PLIN4: variants seen among roughly 807,000 people sequenced by gnomAD.
The protein encoded by PLIN4 is perilipin-4.
In PLIN4, 57 loss-of-function variants were observed where a neutral mutation model predicts 52.4. That is an observed-to-expected ratio of 1.09 (90% CI 0.88 to 1.36). The LOEUF (loss-of-function observed/expected upper bound fraction) is 1.36, where lower values mean the gene tolerates loss of function less well. Among genes scored for constraint, PLIN4 ranks in the 40% most tolerant of loss-of-function variants. The probability of loss-of-function intolerance (pLI) is 0.00; values close to 1 mark genes in which losing one functional copy is unlikely to be tolerated. For synonymous variants in PLIN4, 826 were observed against 785.4 expected, an observed-to-expected ratio of 1.05 and a Z score of -0.86; for missense variants, 1,757 against 1,770.3, an observed-to-expected ratio of 0.99 and a Z score of 0.13.
rs761764444 is a variant in PLIN4 at position 4,510,702 on chromosome 19, C to T, written c.3258G>A (p.Glu1086=). The T allele has an allele frequency of 3.3e-6, 5 of 1,526,200 alleles. No homozygotes were observed. The highest frequency in any genetic ancestry group is 4.4e-6 in the Non-Finnish European group (5 of 1,139,846). 94.5% of individuals were successfully genotyped at this position (1,526,200 alleles called of 1,614,324 possible). The change falls in exon 5 of 8, where the codon GAG becomes GAA. Residue 1086 remains glutamate (E), a synonymous_variant. Coordinates refer to ENST00000301286, the MANE Select transcript of PLIN4 (RefSeq NM_001367868.2). ...GCGTGGAGATGCCAGAGAACGGGGC[C>T]TCTTGGGGGCTCAGGGCAGTCTGCT... ...GGEQTALSPQ[E]APFSGISTPP... is the part of the protein sequence containing the mutation.
At position 4,516,684 on chromosome 19, in the gene PLIN4, G is replaced by T. The variant is rs1232034632; in HGVS notation, c.197-6C>A. 6.3e-7 allele frequency: 1 copy of T among 1,591,600 alleles called. No homozygotes were observed. The highest frequency in any genetic ancestry group is 1.3e-5 in the African/African-American group (1 of 74,278). On this transcript the variant is annotated splice_region_variant and splice_polypyrimidine_tract_variant and intron_variant, in intron 3 of 7. Transcript: ENST00000301286. ...CTGCTCTGGGTGGGCAGCCACTGTG[G>T]GGACAGGGGCCGGTCAGGGAGAGTG...
Position 4,511,026 on chromosome 19 carries a change from G to T in PLIN4, c.2934C>A (p.Thr978=). 6.2e-7 allele frequency: 1 copy of T among 1,613,118 alleles called. No homozygotes were observed. The change falls in exon 5 of 8, where the codon ACC becomes ACA. Residue 978 remains threonine, a synonymous_variant. Transcript: ENST00000301286. ...VTGAVNVAKG[T]VQTGVDASKA... Reference sequence around the variant, plus strand: ...TGGAGGCGTCCACGCCGGTCTGCACGGTTCCTTTGGCCACATTCACTGCCC... The same window carrying T: ...TGGAGGCGTCCACGCCGGTCTGCACTGTTCCTTTGGCCACATTCACTGCCC...
rs1475776061 is a variant in PLIN4 at position 4,504,271 on chromosome 19, A to G, written c.*188T>C. 9.0e-6 allele frequency: 5 copies of G among 552,790 alleles called. No individual in the cohort carries two copies. Among genetic ancestry groups the G allele is most frequent in the South Asian group, 3.4e-5 (1 of 29,822 alleles). 34.2% of individuals were successfully genotyped at this position (552,790 alleles called of 1,614,324 possible). On this transcript the variant is annotated 3_prime_UTR_variant, in exon 8 of 8. Coordinates refer to ENST00000301286, the MANE Select transcript of PLIN4 (RefSeq NM_001367868.2). ...TGGGAGATGCAGGCAGGCCCGGAGCAGGGCGTGGGGTGGCTCAGTTAAGAA... is the reference window on the plus strand; with the variant it reads ...TGGGAGATGCAGGCAGGCCCGGAGCGGGGCGTGGGGTGGCTCAGTTAAGAA...
At position 4,507,164 on chromosome 19, in the gene PLIN4, G is replaced by A. The variant is rs77627707; in HGVS notation, c.3702+1604C>T. Reference sequence around the variant, plus strand: ...CAAACTGCGGCTTGTCACAAACCCCGGATGTTGATGGAAAACACAGTGGCC... The same window carrying A: ...CAAACTGCGGCTTGTCACAAACCCCAGATGTTGATGGAAAACACAGTGGCC... On this transcript the variant is annotated intron_variant, in intron 6 of 7. Transcript: ENST00000301286. Among the ~76,000 whole-genome samples the A allele has an allele frequency of 8.1e-4, 124 of 152,346 alleles. 7 individuals carry two copies. The East Asian group carries it at 0.023, about 28-fold the overall frequency.
chr19:4,514,744 G>GATA (rs916476281), intron 4 of PLIN4, among the ~76,000 whole-genome samples: 7 of 150,474 alleles, frequency 4.7e-5, no homozygotes, highest in South Asian at 4.2e-4. Flanking sequence ...TAATGATAAT[G>GATA]ATAATAATAA....
rs150690071 is a variant in PLIN4, at chr19:4,503,839, C to G, written c.*620G>C. The G allele has an allele frequency of 2.6e-5, 4 of 152,358 alleles. No individual in the cohort carries two copies. The highest frequency in any genetic ancestry group is 5.9e-5 in the Non-Finnish European group (4 of 68,062). The allele number at this position is 152,358 out of a possible 1,614,324, so 9.4% of individuals were successfully genotyped here. A position where few individuals can be genotyped will look rare whatever the true frequency, so the allele number is the denominator to read the frequency against. Reference sequence around the variant, plus strand: ...AGCTTTGTCCCCACCGTGAGGCCACCCCGGGGGTCAGCAAAGGCAGTAGCA... The same window carrying G: ...AGCTTTGTCCCCACCGTGAGGCCACGCCGGGGGTCAGCAAAGGCAGTAGCA... On this transcript the variant is annotated 3_prime_UTR_variant, in exon 8 of 8. Coordinates refer to ENST00000301286, the MANE Select transcript of PLIN4 (RefSeq NM_001367868.2).
Position 4,511,047 on chromosome 19 carries a change from T to C in PLIN4, c.2913A>G (p.Ala971=), listed in dbSNP as rs1027042770. The C allele has an allele frequency of 1.5e-5, 24 of 1,613,090 alleles. No homozygotes were observed. Among genetic ancestry groups the C allele is most frequent in the Non-Finnish European group, 1.9e-5 (22 of 1,179,814 alleles). ...GCACGGTTCCTTTGGCCACATTCAC[T>C]GCCCCCGTGACTCCAGTAGTCACTG... ...KDAVTTGVTG[A]VNVAKGTVQT... The change falls in exon 5 of 8, where the codon GCA becomes GCG. Residue 971 remains alanine, a synonymous_variant. Transcript: ENST00000301286.
In PLIN4 at chr19:4,510,516, G is replaced by A; in HGVS notation, c.3444C>T (p.Arg1148=). The A allele has an allele frequency of 6.7e-7, 1 of 1,483,114 alleles. No homozygotes were observed. Among genetic ancestry groups the A allele is most frequent in the Non-Finnish European group, 9.0e-7 (1 of 1,116,400 alleles). 91.9% of individuals were successfully genotyped at this position (1,483,114 alleles called of 1,614,324 possible). Reference sequence around the variant, plus strand: ...CCAACTCATTCTGCAGCATTGCCAAGCGTGGGGCTTCTTCGGGGCCGTGTG... The same window carrying A: ...CCAACTCATTCTGCAGCATTGCCAAACGTGGGGCTTCTTCGGGGCCGTGTG... ...ATTHGPEEAP[R]LAMLQNELEG... The change falls in exon 5 of 8, where the codon CGC becomes CGT. Residue 1148 remains arginine (R), a synonymous_variant. Transcript: ENST00000301286.
chr19:4,517,730 C>T, intron 2 of PLIN4, 32 bp from the exon 3 acceptor site: 2 of 1,556,990 alleles, frequency 1.3e-6, no homozygotes, highest in South Asian at 1.2e-5. Flanking sequence ...GCAGGATGAG[C>T]AGGCCAAGCC....
chr19:4,512,133 C>T lies in PLIN4; in HGVS notation c.1827G>A (p.Val609=), dbSNP rs752691936. 6.2e-7 allele frequency: 1 copy of T among 1,608,410 alleles called. No homozygotes were observed. The highest frequency in any genetic ancestry group is 8.5e-7 in the Non-Finnish European group (1 of 1,178,942). The change falls in exon 5 of 8, where the codon GTG becomes GTA. Residue 609 remains valine (V), a synonymous_variant. Transcript: ENST00000301286. ...TCTGGACGGTCCCTTTGGCGACATTCACTGCCCCCACGAGCCCAGTAGTCA... is the reference window on the plus strand; with the variant it reads ...TCTGGACGGTCCCTTTGGCGACATTTACTGCCCCCACGAGCCCAGTAGTCA... The part of the protein sequence containing the change: ...DTVTTGLVGA[V]NVAKGTVQTG...
Position 4,512,235 on chromosome 19 carries a change from T to G in PLIN4, c.1725A>C (p.Ala575=), listed in dbSNP as rs571949046. ...KDTMSTGLTG[A]ANVAKGAVQT... is the part of the protein sequence containing the mutation. ...GGACAGCCCCCTTGGCCACATTCGCTGCCCCCGTGAGCCCAGTGGACATCG... is the reference window on the plus strand; with the variant it reads ...GGACAGCCCCCTTGGCCACATTCGCGGCCCCCGTGAGCCCAGTGGACATCG... Residue 575 remains alanine, a synonymous_variant, in exon 5 of 8, where the codon GCA becomes GCC. Coordinates refer to ENST00000301286, the MANE Select transcript of PLIN4 (RefSeq NM_001367868.2). 10 of 1,607,282 alleles carry G rather than the reference T, an allele frequency of 6.2e-6. No individual in the cohort carries two copies. The South Asian group carries it at 1.1e-4, about 18-fold the overall frequency.
chr19:4,513,423 T>C lies in PLIN4; in HGVS notation c.537A>G (p.Ala179=), dbSNP rs766820346. 6.2e-7 allele frequency: 1 copy of C among 1,613,490 alleles called. No individual in the cohort carries two copies. Among genetic ancestry groups the C allele is most frequent in the Admixed American group, 1.7e-5 (1 of 60,026 alleles). Residue 179 remains alanine, a synonymous_variant, in exon 5 of 8, where the codon GCA becomes GCG. Coordinates refer to ENST00000301286, the MANE Select transcript of PLIN4 (RefSeq NM_001367868.2). ...KDTVSTGLTG[A]VNVAKGTVQA... The stretch of plus-strand genomic sequence containing the variant: ...GTACGGTCCCTTTGGCCACATTCAC[T>C]GCCCCCGTGAGCCCAGTGGACACCG...
rs922640094 is a variant in PLIN4 at position 4,502,385 on chromosome 19, A to C, written c.*2074T>G. On this transcript the variant is annotated 3_prime_UTR_variant, in exon 8 of 8. Coordinates refer to ENST00000301286, the MANE Select transcript of PLIN4 (RefSeq NM_001367868.2). The stretch of plus-strand genomic sequence containing the variant: ...CCAACCCTGAAAGGCCAGTGGCAGG[A>C]GAGCTGGGCGGGAGCAAGCTCTTCC... 2.8e-6 allele frequency: 1 copy of C among 353,984 alleles called. No homozygotes were observed. The highest frequency in any genetic ancestry group is 2.2e-5 in the African/African-American group (1 of 45,842). The allele number at this position is 353,984 out of a possible 1,614,324, so 21.9% of individuals were successfully genotyped here. A position where few individuals can be genotyped will look rare whatever the true frequency, so the allele number is the denominator to read the frequency against.
At chr19:4,516,929 G>C (rs568148909) in intron 3 of PLIN4, among the ~76,000 whole-genome samples, 39 of 152,334 alleles carry the variant, frequency 2.6e-4, no homozygotes, top group African/African-American at 9.1e-4. Context: ...CCTCTGCTGG[G>C]TGGACACCCA....
intron 6 of PLIN4, among the ~76,000 whole-genome samples, chr19:4,505,496 C>T (rs1690827815): frequency 6.6e-6 from 1 of 152,204 alleles, no homozygotes; most frequent in African/African-American, 2.4e-5. Context: ...GTGGCAGCCC[C>T]AGTCCCTCCC....
Position 4,517,807 on chromosome 19 carries a change from G to A in PLIN4, c.52-109C>T, listed in dbSNP as rs1296909099. Reference sequence around the variant, plus strand: ...AATGCCGCCCCGGCCCCTTGCTCCTGGGTGACCTCAGGAAAGTGTTTCAGC... The same window carrying A: ...AATGCCGCCCCGGCCCCTTGCTCCTAGGTGACCTCAGGAAAGTGTTTCAGC... On this transcript the variant is annotated intron_variant, in intron 2 of 7. Transcript: ENST00000301286. 7.9e-6 allele frequency: 11 copies of A among 1,394,644 alleles called. No individual in the cohort carries two copies. The Middle Eastern group carries it at 1.1e-3, about 139-fold the overall frequency. The allele number at this position is 1,394,644 out of a possible 1,614,324, so 86.4% of individuals were successfully genotyped here. A position where few individuals can be genotyped will look rare whatever the true frequency, so the allele number is the denominator to read the frequency against.
Position 4,512,242 on chromosome 19 carries a change from G to A in PLIN4, c.1718C>T (p.Thr573Met), listed in dbSNP as rs551187749. 308 of 1,612,700 alleles carry A rather than the reference G, an allele frequency of 1.9e-4. 6 individuals are homozygous for A. The South Asian group carries it at 3.1e-3, about 16-fold the overall frequency. ...CCCCTTGGCCACATTCGCTGCCCCC[G>A]TGAGCCCAGTGGACATCGTGTCTTT... ...GTKDTMSTGLTGAANVAKGAV... is the reference protein window; with the variant it reads ...GTKDTMSTGLMGAANVAKGAV... The change falls in exon 5 of 8, where the codon ACG becomes ATG. Residue 573 changes from threonine (T) to methionine (M), a missense_variant. Transcript: ENST00000301286.
At chr19:4,509,310 C>CAAAAAAAAAAAAAAAAAAAAAAAA (rs71168909) in intron 5 of PLIN4, among the ~76,000 whole-genome samples, 1,222 of 15,684 alleles carry the variant, frequency 0.078, 500 homozygotes, top group Middle Eastern at 0.75. Flanking sequence ...GACTCCGTCT[C>CAAAAAAAAAAAAAAAAAAAAAAAA]AAAAAAAAAA....
Position 4,513,546 on chromosome 19 carries a change from C to A in PLIN4, c.414G>T (p.Val138=). The A allele has an allele frequency of 6.2e-7, 1 of 1,608,564 alleles. No individual in the cohort carries two copies. Among genetic ancestry groups the A allele is most frequent in the Non-Finnish European group, 8.5e-7 (1 of 1,177,452 alleles). Residue 138 remains valine, a synonymous_variant, in exon 5 of 8, where the codon GTG becomes GTT. Coordinates refer to ENST00000301286, the MANE Select transcript of PLIN4 (RefSeq NM_001367868.2). ...TRSALTGTKE[V]VSSGVTGAMD... is the part of the protein sequence containing the mutation. ...TGGCCCCTGTGACCCCGCTGGACAC[C>A]ACCTCCTTGGTGCCCGTAAGTGCAG...
Sources: gnomAD v4.1 joint callset for allele counts (sites outside exome capture counted in the v4.1 genomes callset) on GRCh38, gnomAD v4.1.1 for gene constraint, MANE v1.5 for transcripts, NCBI Gene and HGNC (gene_info 2026-07-23, HGNC 2026-07-21) for gene names.